Variants in DCAF17 observed in about 807,000 individuals in gnomAD.
The protein encoded by DCAF17 is DDB1- and CUL4-associated factor 17.
Under a neutral mutation model 66.0 loss-of-function variants are expected in DCAF17, and 48 were observed. The ratio of observed to expected loss-of-function variants is 0.73; its 90% confidence interval spans 0.58 to 0.92. The LOEUF is 0.92. Ranked by LOEUF, DCAF17 falls within the 40% of genes least tolerant of loss-of-function variation. The probability of loss-of-function intolerance (pLI) is 0.00; values close to 1 mark genes in which losing one functional copy is unlikely to be tolerated. For synonymous variants in DCAF17, 206 were observed against 214.6 expected (o/e 0.96, Z 0.35); for missense variants, 562 against 622.8 (o/e 0.90, Z 1.04).
intron 2 of DCAF17, chr2:171,443,076 T>A (rs1489553193): frequency 6.6e-6 from 1 of 152,152 alleles, no homozygotes; most frequent in Non-Finnish European, 1.5e-5. Context: ...TTGTTTTTTT[T>A]AAATCCACTA....
intron 8 of DCAF17, among the ~76,000 whole-genome samples, chr2:171,461,138 G>A (rs935606141): frequency 6.6e-6 from 1 of 151,992 alleles, no homozygotes; most frequent in Admixed American, 6.5e-5. Context: ...CAGTTCCTTT[G>A]CATTATTTAA....
Position 171,458,497 on chromosome 2 carries a change from T to A in DCAF17, c.838+20T>A. The A allele has an allele frequency of 6.4e-7, 1 of 1,561,484 alleles. No individual in the cohort carries two copies. Among genetic ancestry groups the A allele is most frequent in the Non-Finnish European group, 8.8e-7 (1 of 1,133,344 alleles). On this transcript the variant is annotated intron_variant, in intron 8 of 13. Coordinates refer to ENST00000375255, the MANE Select transcript of DCAF17 (RefSeq NM_025000.4). ...TCACAGGTATGGCTACTCTATAGTA[T>A]TTTTTCACCTTAAAAAAATTAAGTG...
chr2:171,481,943 G>T lies in DCAF17; in HGVS notation c.*829G>T, dbSNP rs1403015650. ...TGCATACTTATGCAATAAGATAAAG[G>T]TACCCTTGCCTGCAGTAGTTCTGTT... On this transcript the variant is annotated 3_prime_UTR_variant, in exon 14 of 14. Transcript: ENST00000375255. 1 of 453,884 alleles carries T rather than the reference G, an allele frequency of 2.2e-6. No homozygotes were observed. The highest frequency in any genetic ancestry group is 6.9e-5 in the East Asian group (1 of 14,408). The allele number at this position is 453,884 out of a possible 1,614,324, so 28.1% of individuals were successfully genotyped here.
chr2:171,480,329 A>G, intron 13 of DCAF17, 136 bp downstream of exon 13: 3 of 1,097,668 alleles, frequency 2.7e-6, no homozygotes, highest in Non-Finnish European at 4.0e-6. Flanking sequence ...TTTGTCCTAT[A>G]TACAGGACAA....
At chr2:171,458,506 CT>C (rs1304672090) in intron 8 of DCAF17, 29 bp downstream of exon 8, 7 of 1,534,496 alleles carry the variant, frequency 4.6e-6, no homozygotes, top group Non-Finnish European at 5.4e-6. Flanking sequence ...ATTTTTTCAC[CT>C]TAAAAAAATT....
chr2:171,458,612 G>C (rs1455679419), intron 8 of DCAF17, 135 bp downstream of exon 8: 1 of 701,474 alleles, frequency 1.4e-6, no homozygotes, highest in Admixed American at 2.6e-5. Context: ...TACATCATGT[G>C]CCTTGCTATT....
intron 8 of DCAF17, among the ~76,000 whole-genome samples, chr2:171,463,052 G>A (rs1160712746): frequency 1.3e-5 from 2 of 151,898 alleles, no homozygotes; most frequent in South Asian, 2.1e-4. Context: ...CCAACATGGC[G>A]AAACCCTGTC....
rs984490390 is a variant in DCAF17 at position 171,484,209 on chromosome 2, A to G, written c.*3095A>G. The G allele has an allele frequency of 1.3e-5, 6 of 449,666 alleles. No homozygotes were observed. Among genetic ancestry groups the G allele is most frequent in the African/African-American group, 1.2e-4 (6 of 49,694 alleles). 27.9% of individuals were successfully genotyped at this position (449,666 alleles called of 1,614,324 possible). The stretch of plus-strand genomic sequence containing the variant: ...TTTATATTTTCTTCTCCTTCTTACC[A>G]TGTTTACTTATATCATCCATCTTTT... On this transcript the variant is annotated 3_prime_UTR_variant, in exon 14 of 14. Transcript: ENST00000375255.
At chr2:171,469,899 G>A (rs890506470) in intron 9 of DCAF17, among the ~76,000 whole-genome samples, 3 of 152,118 alleles carry the variant, frequency 2.0e-5, no homozygotes, top group African/African-American at 7.2e-5. Context: ...TCAACCTCCT[G>A]GGTTCAAGTG....
Position 171,434,380 on chromosome 2 carries a change from T to G in DCAF17, c.-198T>G, listed in dbSNP as rs886055104. 7 of 906,892 alleles carry G rather than the reference T, an allele frequency of 7.7e-6. No individual in the cohort carries two copies. Among genetic ancestry groups the G allele is most frequent in the Non-Finnish European group, 1.2e-5 (7 of 579,060 alleles). 56.2% of individuals were successfully genotyped at this position (906,892 alleles called of 1,614,324 possible). On this transcript the variant is annotated 5_prime_UTR_variant, in exon 1 of 14. Transcript: ENST00000375255. ...AGTGCTTCTTCCCTTCTCTCCGCGC[T>G]CTGGCGGTGCAAGCGGCTCTGCTTT...
In DCAF17 at chr2:171,435,129, C is replaced by A; in HGVS notation, c.173C>A (p.Pro58His). 1.2e-6 allele frequency: 2 copies of A among 1,613,578 alleles called. No homozygotes were observed. The highest frequency in any genetic ancestry group is 1.7e-6 in the Non-Finnish European group (2 of 1,179,618). ...GTCTGGACAACTCATTCCAGGTCAC[C>A]TATAGCCTATGAGAGAGGAAGAATA... ...KNVWTTHSRS[P>H]IAYERGRIYF... Residue 58 changes from proline (P) to histidine (H), a missense_variant, in exon 2 of 14, where the codon CCT becomes CAT. Transcript: ENST00000375255.
intron 2 of DCAF17, among the ~76,000 whole-genome samples, chr2:171,441,621 G>A (rs1386460447): frequency 6.6e-6 from 1 of 152,176 alleles, no homozygotes; most frequent in African/African-American, 2.4e-5. Flanking sequence ...CTCTCTGAGT[G>A]GAAGCTTGGA....
chr2:171,478,048 T>G lies in DCAF17; in HGVS notation c.1244T>G (p.Leu415Arg). Residue 415 changes from leucine (L) to arginine (R), a missense_variant, in exon 12 of 14, where the codon CTG (leucine) becomes CGG (arginine). Physicochemically the swap from Leu to Arg is moderately radical, Grantham distance 102. Coordinates refer to ENST00000375255, the MANE Select transcript of DCAF17 (RefSeq NM_025000.4). ...GRVVKKSFNLLDDDPEQETFK... is the reference protein window; with the variant it reads ...GRVVKKSFNLRDDDPEQETFK... ...GTGGTAAAAAAAAGTTTTAACCTTC[T>G]GGATGATGACCCAGAACAAGAGGTA... 1 of 1,614,004 alleles carries G rather than the reference T, an allele frequency of 6.2e-7. No homozygotes were observed. Among genetic ancestry groups the G allele is most frequent in the South Asian group, 1.1e-5 (1 of 91,088 alleles).
intron 13 of DCAF17, 73 bp downstream of exon 13, chr2:171,480,266 T>C (rs960689258): frequency 4.5e-6 from 7 of 1,558,170 alleles, no homozygotes; most frequent in South Asian, 1.1e-5. Context: ...ACAGATGTTA[T>C]TGTGTTCATG....
At chr2:171,460,219 A>G (rs1392024975) in intron 8 of DCAF17, among the ~76,000 whole-genome samples, 2 of 150,036 alleles carry the variant, frequency 1.3e-5, no homozygotes, top group Non-Finnish European at 3.0e-5. Context: ...GCTACTTGGG[A>G]GGCTGAGGCA....
At chr2:171,477,887 A>T in intron 11 of DCAF17, 100 bp from the exon 12 acceptor site, 1 of 891,472 alleles carries the variant, frequency 1.1e-6, no homozygotes, top group South Asian at 1.4e-5. Context: ...TGGATGTGGG[A>T]GAAGGGTTGG....
intron 9 of DCAF17, among the ~76,000 whole-genome samples, chr2:171,469,339 T>A (rs2105796125): frequency 6.6e-6 from 1 of 152,326 alleles, no homozygotes; most frequent in South Asian, 2.1e-4. Context: ...CAATGGAATG[T>A]GTTCACATTG....
chr2:171,444,100 C>T (rs111642937), intron 3 of DCAF17, among the ~76,000 whole-genome samples: 83 of 152,124 alleles, frequency 5.5e-4, no homozygotes, highest in African/African-American at 1.8e-3. Context: ...GGAATGTTAA[C>T]GGGTGTCAGA....
At position 171,482,163 on chromosome 2, in the gene DCAF17, G is replaced by A. The variant is rs750634308; in HGVS notation, c.*1049G>A. 4.4e-6 allele frequency: 2 copies of A among 450,536 alleles called. No homozygotes were observed. The highest frequency in any genetic ancestry group is 3.2e-5 in the South Asian group (2 of 63,186). 27.9% of individuals were successfully genotyped at this position (450,536 alleles called of 1,614,324 possible). ...TTAAATAAAGGCAACCCAAGTAAAGGGAGAAAATGTTTCTTTGTGCTTCCT... is the reference window on the plus strand; with the variant it reads ...TTAAATAAAGGCAACCCAAGTAAAGAGAGAAAATGTTTCTTTGTGCTTCCT... On this transcript the variant is annotated 3_prime_UTR_variant, in exon 14 of 14. Transcript: ENST00000375255.
Sources: gnomAD v4.1 joint callset for allele counts (sites outside exome capture counted in the v4.1 genomes callset) on GRCh38, gnomAD v4.1.1 for gene constraint, MANE v1.5 for transcripts, NCBI Gene and HGNC (gene_info 2026-07-23, HGNC 2026-07-21) for gene names.